Variants in RCSD1 observed in about 807,000 individuals in gnomAD.
RCSD1 encodes the protein RCSD domain containing 1.
RCSD1 carries 26 observed loss-of-function variants against 42.5 expected under a neutral mutation model. The ratio of observed to expected loss-of-function variants is 0.61; its 90% CI spans 0.45 to 0.85. The LOEUF is 0.85. Ranked by LOEUF, RCSD1 falls within the 40% of genes least tolerant of loss-of-function variation. The pLI is 0.00. For missense variants in RCSD1, 571 were observed against 528.3 expected (o/e 1.08, Z -0.79); for synonymous variants, 220 against 212.2 (o/e 1.04, Z -0.32).
chr1:167,685,360 C>G, intron 2 of RCSD1, 61 bp from the exon 3 acceptor site: 1 of 1,360,578 alleles, frequency 7.3e-7, no homozygotes, highest in Non-Finnish European at 1.0e-6. Context: ...TGCTCTTCCT[C>G]CCTGTTGCCT....
intron 1 of RCSD1, among the ~76,000 whole-genome samples, chr1:167,665,991 T>C (rs1007076045): frequency 6.6e-6 from 1 of 152,182 alleles, no homozygotes; most frequent in Non-Finnish European, 1.5e-5. Flanking sequence ...TTTGTATTTT[T>C]AGTCGAGACG....
chr1:167,675,219 A>G (rs1189083329), intron 1 of RCSD1, among the ~76,000 whole-genome samples: 1 of 150,724 alleles, frequency 6.6e-6, no homozygotes, highest in African/African-American at 2.4e-5. Context: ...AAAAAAAAAA[A>G]AAAAAAAAAA....
Position 167,704,693 on chromosome 1 carries a change from G to A in RCSD1, c.1248G>A (p.Met416Ile). ...ACACTCCTGTCCAGGACACTAAAAT[G>A]TGAAGAACAGCTCATTGTGCCCCAG... ...EDDTPVQDTK[M>I] is the part of the protein sequence containing the mutation. The change falls in exon 7 of 7, where the codon ATG becomes ATA. Residue 416 changes from methionine to isoleucine, a missense_variant. Coordinates refer to ENST00000367854, the MANE Select transcript of RCSD1 (RefSeq NM_052862.4). The A allele has an allele frequency of 6.2e-7, 1 of 1,612,790 alleles. No individual in the cohort carries two copies. Among genetic ancestry groups the A allele is most frequent in the Non-Finnish European group, 8.5e-7 (1 of 1,179,058 alleles).
At chr1:167,676,972 ACCT>A (rs1469465153) in intron 1 of RCSD1, among the ~76,000 whole-genome samples, 10 of 152,072 alleles carry the variant, frequency 6.6e-5, no homozygotes, top group Non-Finnish European at 1.5e-4. Flanking sequence ...TGAGTGGAGC[ACCT>A]CCTGGGATTC....
chr1:167,691,646 C>A (rs1659380025), intron 4 of RCSD1, among the ~76,000 whole-genome samples: 1 of 152,258 alleles, frequency 6.6e-6, no homozygotes, highest in African/African-American at 2.4e-5. Flanking sequence ...ATAGCCACAG[C>A]CTCTGTACTT....
chr1:167,663,260 C>A (rs941820130), intron 1 of RCSD1, among the ~76,000 whole-genome samples: 1 of 152,242 alleles, frequency 6.6e-6, no homozygotes, highest in Non-Finnish European at 1.5e-5. Context: ...GAGCCCCTGC[C>A]CTCACTTGAG....
intron 1 of RCSD1, among the ~76,000 whole-genome samples, chr1:167,635,069 T>C (rs1362721510): frequency 6.6e-6 from 1 of 152,160 alleles, no homozygotes; most frequent in Non-Finnish European, 1.5e-5. Flanking sequence ...TTTAAAATTA[T>C]GGGACTAGGA....
intron 1 of RCSD1, among the ~76,000 whole-genome samples, chr1:167,673,468 G>A (rs1658862200): frequency 6.6e-6 from 1 of 152,194 alleles, no homozygotes; most frequent in African/African-American, 2.4e-5. Context: ...GGCACTTGAG[G>A]TATGAGCTGG....
chr1:167,669,080 TTAAG>T (rs1658738879), intron 1 of RCSD1, among the ~76,000 whole-genome samples: 1 of 152,216 alleles, frequency 6.6e-6, no homozygotes, highest in Admixed American at 6.5e-5. Context: ...CAGTCAAAGA[TTAAG>T]TAAGGAAATG....
intron 1 of RCSD1, among the ~76,000 whole-genome samples, chr1:167,665,195 G>A (rs1658628051): frequency 1.3e-5 from 2 of 152,146 alleles, no homozygotes; most frequent in African/African-American, 4.8e-5. Flanking sequence ...TTTAAAGAAT[G>A]TTATGTAAAT....
At chr1:167,678,158 T>C (rs74120625) in intron 1 of RCSD1, among the ~76,000 whole-genome samples, 3,257 of 152,266 alleles carry the variant, frequency 0.021, 45 homozygotes, top group African/African-American at 0.032. Context: ...TCTTTGGGCC[T>C]CTTCTCTTCC....
chr1:167,646,984 G>A (rs1658165020), intron 1 of RCSD1, among the ~76,000 whole-genome samples: 1 of 152,112 alleles, frequency 6.6e-6, no homozygotes, highest in African/African-American at 2.4e-5. Context: ...ACAAAAGTTA[G>A]CCTGGCATGG....
At chr1:167,673,032 C>G (rs1027537917) in intron 1 of RCSD1, among the ~76,000 whole-genome samples, 30 of 152,144 alleles carry the variant, frequency 2.0e-4, no homozygotes, top group South Asian at 2.1e-4. Flanking sequence ...ACTGCAAGAG[C>G]TCATGTGATC....
rs1375410162 is a variant in RCSD1 at position 167,697,718 on chromosome 1, A to G, written c.1094A>G (p.Glu365Gly). Residue 365 changes from glutamate to glycine, a missense_variant, in exon 6 of 7, where the codon GAA becomes GGA. Coordinates refer to ENST00000367854, the MANE Select transcript of RCSD1 (RefSeq NM_052862.4). ...AAGGGCGGAGATGTCCCCAAGCAGGAAAAAGGCAAGGAAAAACAACAGGAG... is the reference window on the plus strand; with the variant it reads ...AAGGGCGGAGATGTCCCCAAGCAGGGAAAAGGCAAGGAAAAACAACAGGAG... Reference protein sequence around the residue: ...GVKGGDVPKQEKGKEKQQEGA... With the variant: ...GVKGGDVPKQGKGKEKQQEGA... 6.3e-7 allele frequency: 1 copy of G among 1,591,638 alleles called. No homozygotes were observed. Among genetic ancestry groups the G allele is most frequent in the Non-Finnish European group, 8.5e-7 (1 of 1,170,412 alleles).
At chr1:167,690,499 C>G (rs148169763) in intron 4 of RCSD1, among the ~76,000 whole-genome samples, 2 of 152,056 alleles carry the variant, frequency 1.3e-5, no homozygotes, top group Non-Finnish European at 1.5e-5. Context: ...CATAGTGAGA[C>G]ACTATCTCTA....
chr1:167,665,361 AC>A (rs1421686150), intron 1 of RCSD1, among the ~76,000 whole-genome samples: 1 of 152,184 alleles, frequency 6.6e-6, no homozygotes, highest in Non-Finnish European at 1.5e-5. Context: ...CTGTCTACTT[AC>A]CCATTGATGG....
At chr1:167,671,407 GTTCT>G (rs1044544836) in intron 1 of RCSD1, among the ~76,000 whole-genome samples, 1 of 152,166 alleles carries the variant, frequency 6.6e-6, no homozygotes, top group African/African-American at 2.4e-5. Flanking sequence ...ATTGCCAGAG[GTTCT>G]TTCTTTCTTG....
At chr1:167,655,362 AT>A (rs34314229) in intron 1 of RCSD1, among the ~76,000 whole-genome samples, 2,452 of 152,050 alleles carry the variant, frequency 0.016, 76 homozygotes, top group African/African-American at 0.052. Flanking sequence ...AAAAGAGACC[AT>A]TTTTTTCTCT....
At chr1:167,695,566 TCTTCCTCTGTCA>T (rs986384541) in intron 5 of RCSD1, among the ~76,000 whole-genome samples, 3 of 147,598 alleles carry the variant, frequency 2.0e-5, no homozygotes, top group African/African-American at 7.4e-5. Context: ...TGAGGCAAGG[TCTTCCTCTGTCA>T]CCCAGGCTGG....
Sources: allele counts gnomAD v4.1 joint callset (sites outside exome capture counted in the v4.1 genomes callset), GRCh38; gene constraint gnomAD v4.1.1; transcripts MANE v1.5; gene names NCBI Gene and HGNC (gene_info 2026-07-23, HGNC 2026-07-21).